PPP3CC: variants seen among roughly 807,000 people sequenced by gnomAD.
PPP3CC encodes serine/threonine-protein phosphatase 2B catalytic subunit gamma isoform.
PPP3CC carries 35 observed loss-of-function variants against 60.3 expected under a neutral mutation model. The ratio of observed to expected loss-of-function variants is 0.58; its 90% CI spans 0.44 to 0.77. The LOEUF (loss-of-function observed/expected upper bound fraction) is 0.77, where lower values mean the gene tolerates loss of function less well. Among genes scored for constraint, PPP3CC ranks in the 30% least tolerant of loss-of-function variants. The probability of loss-of-function intolerance (pLI) is 0.00; values close to 1 mark genes in which losing one functional copy is unlikely to be tolerated. For missense variants in PPP3CC, 570 were observed against 628.9 expected, an observed-to-expected ratio of 0.91 and a Z score of 1.00; for synonymous variants, 206 against 224.3, an observed-to-expected ratio of 0.92 and a Z score of 0.73.
In PPP3CC at chr8:22,444,571, C is replaced by T. The variant is rs137879335; in HGVS notation, c.49+3113C>T. On this transcript the variant is annotated intron_variant, in intron 1 of 13. Transcript: ENST00000240139. Reference sequence around the variant, plus strand: ...CGGTAACAATGTGAAGAGATCAGCACAGTTCTGTCTGGTACTCCCTAGGCA... The same window carrying T: ...CGGTAACAATGTGAAGAGATCAGCATAGTTCTGTCTGGTACTCCCTAGGCA... Among the ~76,000 whole-genome samples the T allele has an allele frequency of 1.3e-3, 192 of 152,320 alleles. 1 individual carries two copies. The highest frequency in any genetic ancestry group is 5.4e-3 in the South Asian group (26 of 4,820).
chr8:22,513,794 C>T (rs1839160425), intron 6 of PPP3CC, among the ~76,000 whole-genome samples: 1 of 152,114 alleles, frequency 6.6e-6, no homozygotes, highest in Non-Finnish European at 1.5e-5. Flanking sequence ...TGAGAGGAAT[C>T]CTATTGTATT....
chr8:22,539,482 G>A lies in PPP3CC; in HGVS notation c.1335G>A (p.Ala445=), dbSNP rs768996861. Residue 445 remains alanine (A), a synonymous_variant, in exon 13 of 14, where the codon GCG becomes GCA. Coordinates refer to ENST00000240139, the MANE Select transcript of PPP3CC (RefSeq NM_005605.5). ...KQTIETATVE[A]VEAREAIRGF... Reference sequence around the variant, plus strand: ...GCCCTCTTACAGCCACAGTAGAAGCGGTAGAGGCCCGGGAAGGTATGGCCA... The same window carrying A: ...GCCCTCTTACAGCCACAGTAGAAGCAGTAGAGGCCCGGGAAGGTATGGCCA... 2.2e-5 allele frequency: 36 copies of A among 1,613,902 alleles called. No homozygotes were observed. The highest frequency in any genetic ancestry group is 2.2e-5 in the East Asian group (1 of 44,888).
chr8:22,464,199 A>G (rs549720832), intron 1 of PPP3CC, among the ~76,000 whole-genome samples: 1 of 152,160 alleles, frequency 6.6e-6, no homozygotes, highest in African/African-American at 2.4e-5. Flanking sequence ...TAAAGCAAAG[A>G]GTTCTCACAA....
chr8:22,475,038 AT>A lies in PPP3CC; in HGVS notation c.137del (p.Leu46TrpfsTer2). 6.2e-7 allele frequency: 1 copy of A among 1,613,276 alleles called. No individual in the cohort carries two copies. Among genetic ancestry groups the A allele is most frequent in the Non-Finnish European group, 8.5e-7 (1 of 1,179,434 alleles). On this transcript the variant is annotated frameshift_variant, in exon 2 of 14. Transcript: ENST00000240139. LOFTEE classifies it high-confidence loss of function. ...CCTAAAGTTGATGTTTTAAAAAACC[AT>A]TTGGTAAAGGAAGGACGACTGGAAG... The part of the protein sequence containing the change: ...GKPKVDVLKN[H>X]LVKEGRLEEE...
intron 1 of PPP3CC, among the ~76,000 whole-genome samples, chr8:22,458,772 G>A (rs1837281906): frequency 6.6e-6 from 1 of 151,966 alleles, no homozygotes; most frequent in Non-Finnish European, 1.5e-5. Context: ...GTGTTTCAAA[G>A]GAGGATACTG....
intron 8 of PPP3CC, among the ~76,000 whole-genome samples, chr8:22,525,491 CTTCTTTCTTTCTTTCTTTCT>C (rs199717558): frequency 8.6e-4 from 110 of 128,548 alleles, no homozygotes; most frequent in Non-Finnish European, 1.5e-3. Context: ...GCTTCCTTTT[CTTCTTTCTTTCTTTCTTTCT>C]TTCTTTCTTT....
intron 12 of PPP3CC, among the ~76,000 whole-genome samples, chr8:22,537,572 G>T (rs79631962): frequency 1.1e-3 from 165 of 152,210 alleles, no homozygotes; most frequent in African/African-American, 3.8e-3. Context: ...ACCCCACAAA[G>T]AAATGAAAAT....
At chr8:22,532,892 T>A (rs535736638) in intron 11 of PPP3CC, 29 bp from the exon 12 acceptor site, 10 of 1,488,508 alleles carry the variant, frequency 6.7e-6, no homozygotes, top group Middle Eastern at 1.8e-4. Flanking sequence ...TTCTCGGGCA[T>A]TAACCCAGGG....
chr8:22,502,220 C>T (rs1446325699), intron 4 of PPP3CC, among the ~76,000 whole-genome samples: 1 of 152,100 alleles, frequency 6.6e-6, no homozygotes, highest in Non-Finnish European at 1.5e-5. Context: ...ATTCGTCTAC[C>T]ACACAGATAT....
chr8:22,472,684 C>T (rs1198258929), intron 1 of PPP3CC, among the ~76,000 whole-genome samples: 1 of 152,128 alleles, frequency 6.6e-6, no homozygotes, highest in Non-Finnish European at 1.5e-5. Flanking sequence ...ATGAACATTC[C>T]TGTGTATTAA....
At chr8:22,503,668 G>A (rs1838828122) in intron 4 of PPP3CC, among the ~76,000 whole-genome samples, 2 of 152,156 alleles carry the variant, frequency 1.3e-5, no homozygotes, top group African/African-American at 4.8e-5. Flanking sequence ...TGGAACAATA[G>A]GTCCTGGAAA....
chr8:22,489,999 A>G (rs918786623), intron 3 of PPP3CC, among the ~76,000 whole-genome samples: 2 of 150,536 alleles, frequency 1.3e-5, no homozygotes, highest in African/African-American at 4.9e-5. Context: ...TTTTTTTTGT[A>G]TTTTTAGTAG....
chr8:22,515,803 T>A (rs1459031328), intron 6 of PPP3CC, among the ~76,000 whole-genome samples: 1 of 152,220 alleles, frequency 6.6e-6, no homozygotes, highest in East Asian at 1.9e-4. Flanking sequence ...TTGCTCATTT[T>A]TAAATTGGAT....
At chr8:22,528,281 T>A (rs906422970) in intron 9 of PPP3CC, among the ~76,000 whole-genome samples, 2 of 152,206 alleles carry the variant, frequency 1.3e-5, no homozygotes, top group African/African-American at 4.8e-5. Context: ...AGGCAATAGA[T>A]CTTCAAAGAC....
chr8:22,473,468 C>CG (rs1837791939), intron 1 of PPP3CC, among the ~76,000 whole-genome samples: 1 of 146,876 alleles, frequency 6.8e-6, no homozygotes. Context: ...CCCTTATCCA[C>CG]TTTTTTTTTT....
chr8:22,449,941 A>C (rs1586782359), intron 1 of PPP3CC, among the ~76,000 whole-genome samples: 1 of 147,174 alleles, frequency 6.8e-6, no homozygotes, highest in Non-Finnish European at 1.5e-5. Context: ...ATCTCGGCTC[A>C]CTGCAACCTC....
chr8:22,532,025 CA>C (rs1839729545), intron 10 of PPP3CC, among the ~76,000 whole-genome samples, 199 bp from the exon 11 acceptor site: 1 of 152,180 alleles, frequency 6.6e-6, no homozygotes, highest in African/African-American at 2.4e-5. Flanking sequence ...TTTTTTACTT[CA>C]TCTTTTTATC....
At chr8:22,457,643 T>C (rs796444911) in intron 1 of PPP3CC, among the ~76,000 whole-genome samples, 44 of 152,352 alleles carry the variant, frequency 2.9e-4, no homozygotes, top group African/African-American at 9.4e-4. Flanking sequence ...AATTGATTTC[T>C]GTAGCTATCG....
At chr8:22,502,407 C>T (rs375548786) in intron 4 of PPP3CC, among the ~76,000 whole-genome samples, 24 of 152,068 alleles carry the variant, frequency 1.6e-4, no homozygotes, top group African/African-American at 5.1e-4. Flanking sequence ...CCAAGGTGGC[C>T]GGGTGCAGTG....
Sources: allele counts gnomAD v4.1 joint callset (sites outside exome capture counted in the v4.1 genomes callset), GRCh38; gene constraint gnomAD v4.1.1; transcripts MANE v1.5; gene names NCBI Gene and HGNC (gene_info 2026-07-23, HGNC 2026-07-21).